PCTP: variants seen among roughly 807,000 people sequenced by gnomAD.
PCTP encodes phosphatidylcholine transfer protein, also known as START domain-containing protein 2.
In PCTP, 27 loss-of-function variants were observed where a neutral mutation model predicts 31.0. The ratio of observed to expected loss-of-function variants is 0.87; its 90% CI spans 0.64 to 1.20. PCTP has a LOEUF of 1.20. Among genes scored for constraint, PCTP ranks in the 50% most tolerant of loss-of-function variants. The pLI, the probability that PCTP is intolerant of heterozygous loss-of-function variation, is 0.00. For missense variants in PCTP, 287 were observed against 268.2 expected (o/e 1.07, Z -0.49); for synonymous variants, 108 against 101.2 (o/e 1.07, Z -0.40).
At chr17:55,785,661 A>G (rs538185724) in intron 2 of PCTP, among the ~76,000 whole-genome samples, 49 of 152,338 alleles carry the variant, frequency 3.2e-4, no homozygotes, top group African/African-American at 1.2e-3. Context: ...CTTCATAGCA[A>G]TTATCACTAC....
At position 55,767,316 on chromosome 17, in the gene PCTP, AC is replaced by A. The variant is rs756029214; in HGVS notation, c.142-17del. The stretch of plus-strand genomic sequence containing the variant: ...AACTTGGGAACCAATAGACATTTCT[AC>A]CTGTTCTGTTTTTATAGAAGACTGG... On this transcript the variant is annotated intron_variant, in intron 1 of 5. Coordinates refer to ENST00000268896, the MANE Select transcript of PCTP (RefSeq NM_021213.4). 4 of 1,471,868 alleles carry A rather than the reference AC, an allele frequency of 2.7e-6. No individual in the cohort carries two copies. The highest frequency in any genetic ancestry group is 1.7e-4 in the Middle Eastern group (1 of 5,802). The allele number at this position is 1,471,868 out of a possible 1,614,324, so 91.2% of individuals were successfully genotyped here.
At chr17:55,814,475 G>A (rs1912852561) in intron 3 of PCTP, among the ~76,000 whole-genome samples, 1 of 152,234 alleles carries the variant, frequency 6.6e-6, no homozygotes, top group Non-Finnish European at 1.5e-5. Context: ...AGGCACCTCT[G>A]GCTGTGCCAG....
intron 3 of PCTP, among the ~76,000 whole-genome samples, chr17:55,804,848 A>T (rs2145033781): frequency 6.6e-6 from 1 of 152,312 alleles, no homozygotes; most frequent in East Asian, 1.9e-4. Flanking sequence ...GTATCCCAGA[A>T]CTTAAAATTT....
downstream of PCTP, among the ~76,000 whole-genome samples, chr17:55,781,023 A>G (rs546818516): frequency 6.6e-6 from 1 of 152,278 alleles, no homozygotes; most frequent in Admixed American, 6.5e-5. Flanking sequence ...TAAAAAAAAA[A>G]AAAAAAATAG....
rs547948350 is a variant in PCTP at position 55,832,209 on chromosome 17, C to T, written n.505+9282C>T. ...CCGTTGGAAGTATATTTTGAAAGCT[C>T]ACTCTCAGGTGAGGATATGAGATCC... On this transcript the variant is annotated intron_variant and non_coding_transcript_variant, in intron 5 of 5. Transcript: ENST00000576221. Among the ~76,000 whole-genome samples the T allele has an allele frequency of 2.0e-5, 3 of 152,340 alleles. No individual in the cohort carries two copies. The East Asian group carries it at 5.8e-4, about 29-fold the overall frequency.
intron 1 of PCTP, among the ~76,000 whole-genome samples, chr17:55,758,808 A>C (rs920546194): frequency 6.6e-6 from 1 of 152,162 alleles, no homozygotes; most frequent in Admixed American, 6.5e-5. Context: ...GCCTGTGGGT[A>C]TGAGGCCATG....
Position 55,767,441 on chromosome 17 carries a change from A to G in PCTP, c.248A>G (p.Gln83Arg), listed in dbSNP as rs1304273888. 1.3e-6 allele frequency: 2 copies of G among 1,597,424 alleles called. No individual in the cohort carries two copies. The highest frequency in any genetic ancestry group is 2.2e-5 in the East Asian group (1 of 44,658). ...TCAGATTACAGAAAACAATGGGACC[A>G]GTATGTTAAAGGTGAGTGATGCTTG... ...MDSDYRKQWD[Q>R]YVKELYEQEC... Residue 83 changes from glutamine to arginine, a missense_variant, in exon 2 of 6, where the codon CAG (glutamine) becomes CGG (arginine). Coordinates refer to ENST00000268896, the MANE Select transcript of PCTP (RefSeq NM_021213.4).
At chr17:55,780,736 C>G (rs954458225), downstream of PCTP, among the ~76,000 whole-genome samples, 1 of 152,100 alleles carries the variant, frequency 6.6e-6, no homozygotes, top group African/African-American at 2.4e-5. Context: ...ACCCAGCCAC[C>G]CTTGCAGTAA....
At chr17:55,846,892 C>G (rs1269680352), downstream of PCTP, among the ~76,000 whole-genome samples, 2 of 152,182 alleles carry the variant, frequency 1.3e-5, no homozygotes, top group Non-Finnish European at 2.9e-5. Context: ...ATTTTTCCCA[C>G]TCTTGACAAG....
downstream of PCTP, among the ~76,000 whole-genome samples, chr17:55,781,912 AT>A: frequency 1.4e-5 from 2 of 144,868 alleles, no homozygotes; most frequent in African/African-American, 5.3e-5. Flanking sequence ...ACAGCACCTG[AT>A]TGTGTGTGTG....
chr17:55,808,953 C>G (rs779378179), intron 3 of PCTP, among the ~76,000 whole-genome samples: 2 of 152,178 alleles, frequency 1.3e-5, no homozygotes, highest in South Asian at 4.1e-4. Context: ...AAGTATTTCT[C>G]CTCAATATCT....
chr17:55,831,798 C>G (rs529791521), intron 5 of PCTP, among the ~76,000 whole-genome samples: 2 of 152,222 alleles, frequency 1.3e-5, no homozygotes, highest in South Asian at 4.1e-4. Context: ...ACAGAAACAC[C>G]CGGCTGGACG....
At chr17:55,763,339 G>A (rs1372065730) in intron 1 of PCTP, among the ~76,000 whole-genome samples, 1 of 152,032 alleles carries the variant, frequency 6.6e-6, no homozygotes, top group African/African-American at 2.4e-5. Context: ...ACTGGTGAGA[G>A]TACACACTTG....
intron 3 of PCTP, among the ~76,000 whole-genome samples, chr17:55,802,573 A>G (rs1429729183): frequency 6.6e-6 from 1 of 152,178 alleles, no homozygotes; most frequent in East Asian, 1.9e-4. Flanking sequence ...AACATATGCA[A>G]ATCAATAAAT....
In PCTP at chr17:55,776,287, A is replaced by C; in HGVS notation, c.*187A>C. The C allele has an allele frequency of 7.3e-7, 1 of 1,364,042 alleles. No homozygotes were observed. The highest frequency in any genetic ancestry group is 1.5e-5 in the African/African-American group (1 of 67,728). 84.5% of individuals were successfully genotyped at this position (1,364,042 alleles called of 1,614,324 possible). On this transcript the variant is annotated 3_prime_UTR_variant, in exon 6 of 6. Transcript: ENST00000268896. ...ACACACTACCACATCCTTTCTAAGC[A>C]TGTTTGCCTGACATCCAGCTCACTC...
chr17:55,779,671 A>G (rs551960105), downstream of PCTP, among the ~76,000 whole-genome samples: 6 of 152,314 alleles, frequency 3.9e-5, no homozygotes, highest in East Asian at 1.2e-3. Context: ...ATTATTCTTA[A>G]CACCATTCAT....
intron 3 of PCTP, among the ~76,000 whole-genome samples, chr17:55,807,825 A>G (rs887655974): frequency 6.6e-6 from 1 of 152,142 alleles, no homozygotes; most frequent in African/African-American, 2.4e-5. Flanking sequence ...AATTCAATCT[A>G]TTACATTTGA....
chr17:55,810,320 C>A (rs1417583445), intron 3 of PCTP, among the ~76,000 whole-genome samples: 1 of 152,164 alleles, frequency 6.6e-6, no homozygotes, highest in Non-Finnish European at 1.5e-5. Context: ...CCTGGCCGAG[C>A]AAAGTCAATG....
At chr17:55,828,160 G>A (rs555483926) in intron 5 of PCTP, among the ~76,000 whole-genome samples, 1 of 152,278 alleles carries the variant, frequency 6.6e-6, no homozygotes, top group Admixed American at 6.5e-5. Flanking sequence ...TTTCCTACGT[G>A]AGAAAGGAAT....
Sources: gnomAD v4.1 joint callset for allele counts (sites outside exome capture counted in the v4.1 genomes callset) on GRCh38, gnomAD v4.1.1 for gene constraint, MANE v1.5 for transcripts, NCBI Gene and HGNC (gene_info 2026-07-23, HGNC 2026-07-21) for gene names.